The following FHIT variants were observed in gnomAD, a reference collection of about 807,000 sequenced individuals.
FHIT encodes bis(5'-adenosyl)-triphosphatase.
Under a neutral mutation model 17.9 loss-of-function variants are expected in FHIT, and 19 were observed. The ratio of observed to expected loss-of-function variants is 1.06; its 90% CI spans 0.74 to 1.56. The LOEUF (loss-of-function observed/expected upper bound fraction) is 1.56. FHIT is among the 40% of genes most tolerant of loss of function. The pLI, the probability that FHIT is intolerant of heterozygous loss-of-function variation, is 0.00. For missense variants in FHIT, 248 were observed against 189.2 expected, an observed-to-expected ratio of 1.31 and a Z score of -1.82; for synonymous variants, 81 against 69.7, an observed-to-expected ratio of 1.16 and a Z score of -0.81.
At chr3:59,789,712 G>C (rs1186344084) in intron 8 of FHIT, among the ~76,000 whole-genome samples, 1 of 151,990 alleles carries the variant, frequency 6.6e-6, no homozygotes, top group Non-Finnish European at 1.5e-5. Context: ...GAAAGGGAGT[G>C]GACACTTTAG....
chr3:60,310,756 T>A (rs1243989987), intron 5 of FHIT, among the ~76,000 whole-genome samples: 1 of 152,156 alleles, frequency 6.6e-6, no homozygotes, highest in Non-Finnish European at 1.5e-5. Context: ...TAATTGAAAT[T>A]ATTTTGAAAT....
intron 4 of FHIT, among the ~76,000 whole-genome samples, chr3:60,574,560 C>T (rs903929747): frequency 2.0e-5 from 3 of 151,972 alleles, no homozygotes; most frequent in Admixed American, 1.3e-4. Flanking sequence ...CATTCTATAG[C>T]CCCCTCCTAA....
intron 4 of FHIT, among the ~76,000 whole-genome samples, chr3:60,543,907 CTTTT>C (rs71092612): frequency 3.5e-4 from 18 of 52,062 alleles, no homozygotes; most frequent in South Asian, 4.5e-3. Flanking sequence ...CCACGCCCGG[CTTTT>C]TTTTTTTTTT....
intron 4 of FHIT, among the ~76,000 whole-genome samples, chr3:60,757,393 CA>C (rs1699472757): frequency 6.6e-6 from 1 of 152,072 alleles, no homozygotes; most frequent in Non-Finnish European, 1.5e-5. Flanking sequence ...AAAGAGAAGC[CA>C]TTTATGGTTT....
chr3:60,503,344 G>A (rs372239900), intron 5 of FHIT, among the ~76,000 whole-genome samples: 10 of 152,148 alleles, frequency 6.6e-5, no homozygotes, highest in African/African-American at 2.4e-4. Flanking sequence ...AAATTTTATT[G>A]TATGTCCACT....
chr3:60,488,934 C>T (rs935674706), intron 5 of FHIT, among the ~76,000 whole-genome samples: 2 of 152,056 alleles, frequency 1.3e-5, no homozygotes, highest in African/African-American at 4.8e-5. Context: ...AAATCTATTC[C>T]ACCTTTTGGA....
intron 3 of FHIT, among the ~76,000 whole-genome samples, chr3:61,014,550 C>T (rs952245124): frequency 2.0e-5 from 3 of 151,434 alleles, no homozygotes; most frequent in Non-Finnish European, 4.4e-5. Flanking sequence ...GAGGCCGAGA[C>T]GGGCAGATCA....
chr3:60,581,644 A>C (rs1452501311), intron 4 of FHIT, among the ~76,000 whole-genome samples: 1 of 152,132 alleles, frequency 6.6e-6, no homozygotes, highest in Non-Finnish European at 1.5e-5. Context: ...ATGTATATGC[A>C]TAAGGCTAAG....
chr3:60,204,465 T>TA (rs1442516369), intron 5 of FHIT, among the ~76,000 whole-genome samples: 2 of 151,302 alleles, frequency 1.3e-5, no homozygotes, highest in South Asian at 4.2e-4. Flanking sequence ...TTTGTTTTGT[T>TA]TTTTTAGTAG....
At chr3:60,461,975 A>G (rs1252464840) in intron 5 of FHIT, among the ~76,000 whole-genome samples, 3 of 152,184 alleles carry the variant, frequency 2.0e-5, no homozygotes, top group Non-Finnish European at 4.4e-5. Flanking sequence ...TGTAAATCCT[A>G]TGACAGACTA....
intron 4 of FHIT, among the ~76,000 whole-genome samples, chr3:60,561,701 C>T (rs750325020): frequency 2.6e-5 from 4 of 152,216 alleles, no homozygotes; most frequent in South Asian, 2.1e-4. Context: ...GAAGGACTGA[C>T]GGCTCATTCT....
intron 5 of FHIT, among the ~76,000 whole-genome samples, chr3:60,449,115 T>A (rs985442419): frequency 6.6e-6 from 1 of 152,192 alleles, no homozygotes; most frequent in Non-Finnish European, 1.5e-5. Context: ...GGCTGTTAAC[T>A]ACCTATTACT....
At chr3:60,181,102 C>T (rs1345948006) in intron 5 of FHIT, among the ~76,000 whole-genome samples, 1 of 151,204 alleles carries the variant, frequency 6.6e-6, no homozygotes. Context: ...AGGAATATTA[C>T]TATTACTCTC....
intron 3 of FHIT, among the ~76,000 whole-genome samples, chr3:60,873,050 A>C (rs1470214117): frequency 1.3e-5 from 2 of 152,026 alleles, no homozygotes; most frequent in Non-Finnish European, 2.9e-5. Context: ...ATGATGAAAA[A>C]ACTTGTAGGG....
intron 5 of FHIT, among the ~76,000 whole-genome samples, chr3:60,318,966 C>T (rs1473838981): frequency 6.6e-6 from 1 of 152,110 alleles, no homozygotes; most frequent in African/African-American, 2.4e-5. Context: ...CAAAGTGCAT[C>T]CTCCAGTTTC....
rs77782430 is a variant in FHIT, at chr3:61,145,278, A to G, written c.-164+55339T>C. Among the ~76,000 whole-genome samples the G allele has an allele frequency of 1.7e-4, 26 of 152,256 alleles. No individual in the cohort carries two copies. The East Asian group carries it at 5.0e-3, about 29-fold the overall frequency. On this transcript the variant is annotated intron_variant, in intron 2 of 9. Coordinates refer to ENST00000492590, the MANE Select transcript of FHIT (RefSeq NM_002012.4). ...AGACATCCCCAGTTGTCCTAACAAC[A>G]TTTATTGAAAAGACTAATATTTCTC...
intron 4 of FHIT, among the ~76,000 whole-genome samples, chr3:60,593,726 G>A (rs886392399): frequency 1.1e-4 from 17 of 152,044 alleles, no homozygotes; most frequent in Non-Finnish European, 2.5e-4. Context: ...CAGATATGCA[G>A]GTACAGCTCT....
At chr3:60,964,268 T>G (rs868926580) in intron 3 of FHIT, among the ~76,000 whole-genome samples, 4 of 152,128 alleles carry the variant, frequency 2.6e-5, no homozygotes, top group Non-Finnish European at 2.9e-5. Flanking sequence ...GCTTGTTTTT[T>G]TTTTTCCATT....
In FHIT at chr3:60,595,207, G is replaced by A. The variant is rs543701248; in HGVS notation, c.-17-58228C>T. On this transcript the variant is annotated intron_variant, in intron 4 of 9. Transcript: ENST00000492590. ...TCTAGATTTGGATGCAAAGAGAACA[G>A]AGAAAAAAGCTAGGAGCCAATAGCA... Among the ~76,000 whole-genome samples, 18 of 152,068 alleles carry A rather than the reference G, an allele frequency of 1.2e-4. No homozygotes were observed. In the South Asian group the frequency reaches 3.5e-3, roughly 30 times the overall value.
Sources: gnomAD v4.1 joint callset for allele counts (sites outside exome capture counted in the v4.1 genomes callset) on GRCh38, gnomAD v4.1.1 for gene constraint, MANE v1.5 for transcripts, NCBI Gene and HGNC (gene_info 2026-07-23, HGNC 2026-07-21) for gene names.